The following ADAT1 variants were observed in gnomAD, a reference collection of about 807,000 sequenced individuals.
ADAT1 encodes the protein tRNA-specific adenosine deaminase 1.
In ADAT1, 58 loss-of-function variants were observed where a neutral mutation model predicts 58.6. That is an observed-to-expected ratio of 0.99 (90% CI 0.80 to 1.23). The LOEUF (loss-of-function observed/expected upper bound fraction) is 1.23, where lower values mean the gene tolerates loss of function less well. ADAT1 is among the 50% of genes most tolerant of loss of function. The pLI, the probability that ADAT1 is intolerant of heterozygous loss-of-function variation, is 0.00. For synonymous variants in ADAT1, 254 were observed against 220.8 expected, an observed-to-expected ratio of 1.15 and a Z score of -1.33; for missense variants, 741 against 608.6, an observed-to-expected ratio of 1.22 and a Z score of -2.29.
intron 8 of ADAT1, among the ~76,000 whole-genome samples, chr16:75,605,535 A>G (rs1446856612): frequency 6.6e-6 from 1 of 152,200 alleles, no homozygotes; most frequent in Non-Finnish European, 1.5e-5. Flanking sequence ...GTTTTTGCAG[A>G]GCCAAAAGTT....
chr16:75,606,409 T>C (rs961837079), intron 8 of ADAT1, among the ~76,000 whole-genome samples: 3 of 152,204 alleles, frequency 2.0e-5, no homozygotes, highest in African/African-American at 7.2e-5. Context: ...ATATTACAGA[T>C]AGGCTCTGGC....
Position 75,612,288 on chromosome 16 carries a change from T to C in ADAT1, c.998A>G (p.Lys333Arg). Residue 333 changes from lysine (K) to arginine (R), a missense_variant, in exon 6 of 10, where the codon AAG becomes AGG. Lys to Arg is a conservative substitution (Grantham distance 26, BLOSUM62 2). Coordinates refer to ENST00000564657, the MANE Select transcript of ADAT1 (RefSeq NM_001324445.2). ...CATGGCTTCCTGGCTGTATGGGCAC[T>C]TCCCAATGACCACAGCTGACAGGTA... ...PIYLSAVVIG[K>R]CPYSQEAMQR... 6.2e-7 allele frequency: 1 copy of C among 1,614,150 alleles called. No individual in the cohort carries two copies. Among genetic ancestry groups the C allele is most frequent in the Non-Finnish European group, 8.5e-7 (1 of 1,180,038 alleles).
intron 6 of ADAT1, among the ~76,000 whole-genome samples, chr16:75,610,372 T>G (rs756577506): frequency 2.1e-4 from 32 of 152,066 alleles, no homozygotes; most frequent in Non-Finnish European, 4.3e-4. Context: ...CACGGTTCAC[T>G]GCAGCCTCAA....
chr16:75,605,204 C>T (rs539396101), intron 8 of ADAT1, among the ~76,000 whole-genome samples: 1 of 152,278 alleles, frequency 6.6e-6, no homozygotes, highest in Admixed American at 6.5e-5. Flanking sequence ...AATTCTCCTG[C>T]CTTGGCCTCC....
Position 75,612,741 on chromosome 16 carries a change from TTTCCAGGAGC to T in ADAT1, c.535_544del (p.Ala179MetfsTer12). ...GTCAGGGTCTTCACATTTTCTTTCA[TTTCCAGGAGC>T]TTCCAGGTTACTACTGGCTTCTACT... On this transcript the variant is annotated frameshift_variant, in exon 6 of 10. Coordinates refer to ENST00000564657, the MANE Select transcript of ADAT1 (RefSeq NM_001324445.2). LOFTEE classifies it high-confidence loss of function. 6.2e-7 allele frequency: 1 copy of T among 1,614,136 alleles called. No homozygotes were observed. Among genetic ancestry groups the T allele is most frequent in the Non-Finnish European group, 8.5e-7 (1 of 1,180,032 alleles).
intron 1 of ADAT1, 83 bp from the exon 2 acceptor site, chr16:75,620,903 G>A: frequency 1.6e-6 from 2 of 1,235,262 alleles, no homozygotes; most frequent in African/African-American, 1.5e-5. Flanking sequence ...CATGCTTCGA[G>A]TCTTTCAAAT....
At chr16:75,607,177 C>T (rs775864437) in intron 8 of ADAT1, among the ~76,000 whole-genome samples, 7 of 152,032 alleles carry the variant, frequency 4.6e-5, no homozygotes, top group South Asian at 2.1e-4. Flanking sequence ...TGCTCAACAC[C>T]GTTTGTCATT....
In ADAT1 at chr16:75,597,370, C is replaced by G. The variant is rs991886160; in HGVS notation, c.*2846G>C. 2 of 450,848 alleles carry G rather than the reference C, an allele frequency of 4.4e-6. No individual in the cohort carries two copies. The highest frequency in any genetic ancestry group is 8.9e-6 in the Non-Finnish European group (2 of 224,370). The allele number at this position is 450,848 out of a possible 1,614,324, so 27.9% of individuals were successfully genotyped here. The stretch of plus-strand genomic sequence containing the variant: ...AAGTGATGCAGCCACAAGCCAAGGA[C>G]TGCCAGGAGCCATCAGAAGCTAAGG... On this transcript the variant is annotated 3_prime_UTR_variant, in exon 10 of 10. Coordinates refer to ENST00000564657, the MANE Select transcript of ADAT1 (RefSeq NM_001324445.2).
intron 4 of ADAT1, 85 bp from the exon 5 acceptor site, chr16:75,617,357 C>G (rs575112024): frequency 4.1e-6 from 6 of 1,467,174 alleles, no homozygotes; most frequent in Non-Finnish European, 2.8e-6. Flanking sequence ...ACTAAGACAG[C>G]TTACTGTAGA....
At position 75,597,593 on chromosome 16, in the gene ADAT1, T is replaced by C. The variant is rs1409214078; in HGVS notation, c.*2623A>G. Among the ~76,000 whole-genome samples the C allele has an allele frequency of 6.6e-6, 1 of 152,224 alleles. No homozygotes were observed. Among genetic ancestry groups the C allele is most frequent in the Non-Finnish European group, 1.5e-5 (1 of 68,034 alleles). On this transcript the variant is annotated 3_prime_UTR_variant, in exon 10 of 10. Coordinates refer to ENST00000564657, the MANE Select transcript of ADAT1 (RefSeq NM_001324445.2). Reference sequence around the variant, plus strand: ...TTACATTTACTGTGCACTGTATTTCTATTATTATTACATCGTAATACATGA... The same window carrying C: ...TTACATTTACTGTGCACTGTATTTCCATTATTATTACATCGTAATACATGA...
At position 75,598,796 on chromosome 16, in the gene ADAT1, G is replaced by C; in HGVS notation, c.*1420C>G. On this transcript the variant is annotated 3_prime_UTR_variant, in exon 10 of 10. Coordinates refer to ENST00000564657, the MANE Select transcript of ADAT1 (RefSeq NM_001324445.2). ...AGCCTCCCAAAGTGTTGGAATTACA[G>C]GCGTAAGCCACCGTGCCCGGCCTAA... 1.4e-6 allele frequency: 1 copy of C among 708,318 alleles called. No homozygotes were observed. The highest frequency in any genetic ancestry group is 1.7e-6 in the Non-Finnish European group (1 of 577,074). The allele number at this position is 708,318 out of a possible 1,614,324, so 43.9% of individuals were successfully genotyped here. A position where few individuals can be genotyped will look rare whatever the true frequency, so the allele number is the denominator to read the frequency against.
At chr16:75,617,988 T>C (rs1280555553) in intron 4 of ADAT1, among the ~76,000 whole-genome samples, 1 of 149,328 alleles carries the variant, frequency 6.7e-6, no homozygotes, top group Non-Finnish European at 1.5e-5. Flanking sequence ...CCCCAGCTAT[T>C]CAGGAGGCTG....
intron 5 of ADAT1, 49 bp downstream of exon 5, chr16:75,617,093 T>C (rs1348037299): frequency 2.6e-6 from 4 of 1,564,984 alleles, no homozygotes; most frequent in South Asian, 1.2e-5. Flanking sequence ...AACACAAACA[T>C]AAGGAAGTAG....
intron 4 of ADAT1, among the ~76,000 whole-genome samples, chr16:75,618,360 G>A (rs1444858287): frequency 6.6e-6 from 1 of 151,836 alleles, no homozygotes; most frequent in Non-Finnish European, 1.5e-5. Context: ...CAAAAAATTA[G>A]TTGAGCATGG....
chr16:75,621,781 C>T (rs1486162689), intron 1 of ADAT1, among the ~76,000 whole-genome samples: 1 of 152,204 alleles, frequency 6.6e-6, no homozygotes, highest in Non-Finnish European at 1.5e-5. Context: ...AGGGAAATCT[C>T]TCACTCTTGG....
At chr16:75,600,491 A>T in intron 9 of ADAT1, 143 bp from the exon 10 acceptor site, 2 of 1,371,084 alleles carry the variant, frequency 1.5e-6, no homozygotes, top group Non-Finnish European at 1.9e-6. Flanking sequence ...GTGAAAGTTG[A>T]TCATACAAAC....
intron 8 of ADAT1, among the ~76,000 whole-genome samples, chr16:75,604,611 T>C (rs1275228618): frequency 6.6e-6 from 1 of 150,860 alleles, no homozygotes; most frequent in East Asian, 1.9e-4. Flanking sequence ...TTTGGCAAAC[T>C]AGGACTCGGG....
Position 75,599,957 on chromosome 16 carries a change from T to C in ADAT1, c.*259A>G, listed in dbSNP as rs1044595152. 1.8e-5 allele frequency: 22 copies of C among 1,206,248 alleles called. No individual in the cohort carries two copies. The highest frequency in any genetic ancestry group is 2.3e-5 in the Non-Finnish European group (22 of 966,992). The allele number at this position is 1,206,248 out of a possible 1,614,324, so 74.7% of individuals were successfully genotyped here. A position where few individuals can be genotyped will look rare whatever the true frequency, so the allele number is the denominator to read the frequency against. On this transcript the variant is annotated 3_prime_UTR_variant, in exon 10 of 10. Transcript: ENST00000564657. The stretch of plus-strand genomic sequence containing the variant: ...CAAAGCATCATGTTCCAAACTCTGA[T>C]TTCATATTTTAGAGAAGCAATAAAA...
At chr16:75,622,184 C>T (rs1320003677) in intron 1 of ADAT1, among the ~76,000 whole-genome samples, 1 of 152,162 alleles carries the variant, frequency 6.6e-6, no homozygotes, top group Non-Finnish European at 1.5e-5. Flanking sequence ...AGCTCCAGTG[C>T]ATGCAGCTTT....
Sources: allele counts gnomAD v4.1 joint callset (sites outside exome capture counted in the v4.1 genomes callset), GRCh38; gene constraint gnomAD v4.1.1; transcripts MANE v1.5; gene names NCBI Gene and HGNC (gene_info 2026-07-23, HGNC 2026-07-21).